EPB41L5: variants seen among roughly 807,000 people sequenced by gnomAD.
EPB41L5 encodes the protein band 4.1-like protein 5.
EPB41L5 carries 55 observed loss-of-function variants against 106.6 expected under a neutral mutation model. The observed-to-expected ratio is 0.52, with a 90% CI of 0.42 to 0.65. EPB41L5 has a LOEUF of 0.65. EPB41L5 is among the 30% of genes least tolerant of loss of function. The pLI is 0.00. For missense variants in EPB41L5, 871 were observed against 882.1 expected (o/e 0.99, Z 0.16); for synonymous variants, 297 against 306.7 (o/e 0.97, Z 0.33).
At chr2:120,080,340 G>A (rs1275871177) in intron 10 of EPB41L5, among the ~76,000 whole-genome samples, 5 of 151,472 alleles carry the variant, frequency 3.3e-5, no homozygotes, top group African/African-American at 1.2e-4. Context: ...TCCCACCGAC[G>A]ACTGAGAACA....
intron 24 of EPB41L5, among the ~76,000 whole-genome samples, chr2:120,169,296 AAAT>A (rs1274584382): frequency 6.6e-6 from 1 of 152,182 alleles, no homozygotes; most frequent in Non-Finnish European, 1.5e-5. Flanking sequence ...TGTGGGGAAA[AAAT>A]AATAATCTTG....
chr2:120,150,305 C>T (rs577655259), intron 20 of EPB41L5, among the ~76,000 whole-genome samples: 155 of 151,826 alleles, frequency 1.0e-3, no homozygotes, highest in African/African-American at 3.0e-3. Context: ...CTATTCAAGT[C>T]CTTTGCTCAT....
intron 16 of EPB41L5, among the ~76,000 whole-genome samples, chr2:120,110,206 C>A (rs370091813): frequency 2.2e-4 from 34 of 152,314 alleles, no homozygotes; most frequent in African/African-American, 7.0e-4. Flanking sequence ...GCTCACTTCA[C>A]GAAATTGTCA....
chr2:120,061,031 GTTTTTTTTTTTT>G (rs375754153), intron 3 of EPB41L5, among the ~76,000 whole-genome samples: 11 of 69,128 alleles, frequency 1.6e-4, no homozygotes, highest in East Asian at 1.0e-3. Flanking sequence ...GTTCAGGGAA[GTTTTTTTTTTTT>G]TTTTTTTTTT....
rs754175588 is a variant in EPB41L5 at position 120,160,972 on chromosome 2, A to G, written c.1885A>G (p.Lys629Glu). The G allele has an allele frequency of 8.7e-6, 14 of 1,612,424 alleles. No homozygotes were observed. Among genetic ancestry groups the G allele is most frequent in the Non-Finnish European group, 1.2e-5 (14 of 1,178,592 alleles). The change falls in exon 21 of 25, where the codon AAG (lysine) becomes GAG (glutamate). Residue 629 changes from lysine (K) to glutamate (E), a missense_variant and splice_region_variant. Lys to Glu is a moderately conservative substitution (Grantham distance 56). Transcript: ENST00000263713. ...ITPADSGSVL[K>E]EATDELDALL... ...ACCTGCCGACAGTGGTTCTGTTCTA[A>G]AGGTAAGAATACTTTTACTTCTTAA...
intron 3 of EPB41L5, among the ~76,000 whole-genome samples, chr2:120,072,823 C>T (rs957571914): frequency 2.0e-5 from 3 of 151,952 alleles, no homozygotes; most frequent in South Asian, 4.2e-4. Context: ...GGAGAAATAT[C>T]TAATGTAGAT....
chr2:120,146,330 C>T (rs757161103), intron 20 of EPB41L5, 41 bp downstream of exon 20: 28 of 1,431,150 alleles, frequency 2.0e-5, no homozygotes, highest in Non-Finnish European at 2.6e-5. Flanking sequence ...ATGTTCTTAT[C>T]TATCTTTGTC....
At chr2:120,111,330 C>T (rs1684720638) in intron 16 of EPB41L5, among the ~76,000 whole-genome samples, 1 of 152,128 alleles carries the variant, frequency 6.6e-6, no homozygotes, top group Admixed American at 6.5e-5. Context: ...ATCTCCTGAC[C>T]CCTGCAGTTT....
intron 3 of EPB41L5, among the ~76,000 whole-genome samples, chr2:120,060,540 T>C (rs1680964481): frequency 6.6e-6 from 1 of 152,254 alleles, no homozygotes; most frequent in Non-Finnish European, 1.5e-5. Context: ...TGATTCTATG[T>C]ATGTAACATT....
chr2:120,049,433 T>A (rs1680061835), intron 3 of EPB41L5, among the ~76,000 whole-genome samples: 1 of 152,230 alleles, frequency 6.6e-6, no homozygotes, highest in Admixed American at 6.5e-5. Flanking sequence ...TCTTTGTCTC[T>A]TTTGATCTTT....
At chr2:120,154,744 G>A (rs1266860593) in intron 20 of EPB41L5, among the ~76,000 whole-genome samples, 4 of 151,946 alleles carry the variant, frequency 2.6e-5, no homozygotes, top group African/African-American at 9.7e-5. Flanking sequence ...GGCTAACATG[G>A]TGAAACCCCG....
chr2:120,019,205 T>G lies in EPB41L5; in HGVS notation c.121T>G (p.Ser41Ala). ...THIPAAGDSK[S>A]IITCRVSLLD... ...TATTCCTGCAGCTGGAGATTCTAAG[T>G]CCATCATCACGTGTCGGGTGTCCCT... The change falls in exon 2 of 25, where the codon TCC (serine) becomes GCC (alanine). Residue 41 changes from serine to alanine, a missense_variant. Ser to Ala is a moderately conservative substitution (Grantham distance 99, BLOSUM62 1). Coordinates refer to ENST00000263713, the MANE Select transcript of EPB41L5 (RefSeq NM_020909.4). The G allele has an allele frequency of 6.2e-7, 1 of 1,614,010 alleles. No individual in the cohort carries two copies. The highest frequency in any genetic ancestry group is 8.5e-7 in the Non-Finnish European group (1 of 1,180,010).
intron 20 of EPB41L5, among the ~76,000 whole-genome samples, chr2:120,149,032 C>T (rs1403485524): frequency 1.3e-5 from 2 of 152,100 alleles, no homozygotes; most frequent in Non-Finnish European, 2.9e-5. Flanking sequence ...GCTTATTATT[C>T]TCCTTGTTTA....
intron 19 of EPB41L5, among the ~76,000 whole-genome samples, chr2:120,145,097 C>G (rs923847496): frequency 6.6e-6 from 1 of 152,214 alleles, no homozygotes; most frequent in Admixed American, 6.5e-5. Flanking sequence ...CATCCCTGTG[C>G]TGGTGATGAT....
At chr2:120,082,638 T>G (rs1469782310) in intron 10 of EPB41L5, among the ~76,000 whole-genome samples, 2 of 152,212 alleles carry the variant, frequency 1.3e-5, no homozygotes. Context: ...TTAGGGAAGA[T>G]TCCCTCTTTT....
intron 3 of EPB41L5, among the ~76,000 whole-genome samples, chr2:120,054,740 A>T (rs1412695158): frequency 1.3e-5 from 2 of 152,064 alleles, no homozygotes; most frequent in Non-Finnish European, 2.9e-5. Flanking sequence ...TCCTAACACC[A>T]CTTGTTAAAA....
At chr2:120,055,481 A>ATTTTTTTTTTTTT (rs34856540) in intron 3 of EPB41L5, among the ~76,000 whole-genome samples, 1 of 85,552 alleles carries the variant, frequency 1.2e-5, no homozygotes, top group Non-Finnish European at 2.2e-5. Context: ...TAGGTTTTTA[A>ATTTTTTTTTTTTT]TTTTTTTTTT....
In EPB41L5 at chr2:120,179,001, C is replaced by T. The variant is rs1688009571; in HGVS notation, c.*4094C>T. On this transcript the variant is annotated 3_prime_UTR_variant, in exon 25 of 25. Transcript: ENST00000263713. ...TTATTTTTCTATCAAGTGCACTATT[C>T]ATTTAGTGTGTTCCAGTTTTATATG... The T allele has an allele frequency of 6.6e-6, 1 of 152,194 alleles. No individual in the cohort carries two copies. Among genetic ancestry groups the T allele is most frequent in the African/African-American group, 2.4e-5 (1 of 41,440 alleles). The allele number at this position is 152,194 out of a possible 1,614,324, so 9.4% of individuals were successfully genotyped here.
chr2:120,106,515 C>T (rs759999089), intron 16 of EPB41L5: 64 of 985,172 alleles, frequency 6.5e-5, no homozygotes, highest in Admixed American at 1.2e-4. Context: ...ATGATAAATT[C>T]GGAATTAGAG....
Sources: gnomAD v4.1 joint callset for allele counts (sites outside exome capture counted in the v4.1 genomes callset) on GRCh38, gnomAD v4.1.1 for gene constraint, MANE v1.5 for transcripts, NCBI Gene and HGNC (gene_info 2026-07-23, HGNC 2026-07-21) for gene names.